The following ARHGAP10 variants were observed in gnomAD, a reference collection of about 807,000 sequenced individuals.
The protein encoded by ARHGAP10 is rho GTPase-activating protein 10.
A neutral mutation model predicts 108.6 loss-of-function variants in ARHGAP10; 87 were observed. The observed-to-expected ratio is 0.80, with a 90% CI of 0.67 to 0.96. The LOEUF (loss-of-function observed/expected upper bound fraction) is 0.96. Among genes scored for constraint, ARHGAP10 ranks in the 40% least tolerant of loss-of-function variants. ARHGAP10 has a pLI of 0.00. For synonymous variants in ARHGAP10, 347 were observed against 341.1 expected (o/e 1.02, Z -0.19); for missense variants, 939 against 954.5 (o/e 0.98, Z 0.21).
intron 1 of ARHGAP10, among the ~76,000 whole-genome samples, chr4:147,796,537 TTC>T (rs1190810356): frequency 6.6e-6 from 1 of 152,114 alleles, no homozygotes; most frequent in African/African-American, 2.4e-5. Context: ...TATTTTTCTT[TTC>T]TTGAGAAGGA....
intron 8 of ARHGAP10, among the ~76,000 whole-genome samples, chr4:147,877,587 A>G (rs1735125373): frequency 6.6e-6 from 1 of 152,168 alleles, no homozygotes; most frequent in Admixed American, 6.5e-5. Context: ...TGACTCAGTA[A>G]AGTAAGAAAT....
chr4:147,882,385 C>A (rs1396350212), intron 10 of ARHGAP10, among the ~76,000 whole-genome samples: 1 of 151,924 alleles, frequency 6.6e-6, no homozygotes, highest in Non-Finnish European at 1.5e-5. Context: ...ACCATTTGAA[C>A]CCAGGAGGCG....
intron 18 of ARHGAP10, among the ~76,000 whole-genome samples, chr4:147,991,168 AAG>A (rs1740261216): frequency 6.6e-6 from 1 of 151,782 alleles, no homozygotes. Flanking sequence ...AAATAAATAA[AAG>A]AAAACAAATA....
At chr4:147,845,603 G>A (rs550099108) in intron 3 of ARHGAP10, among the ~76,000 whole-genome samples, 1 of 152,188 alleles carries the variant, frequency 6.6e-6, no homozygotes, top group Non-Finnish European at 1.5e-5. Flanking sequence ...AACTTGAGCA[G>A]TTGTTAGCTT....
At chr4:147,845,525 T>G (rs1286543414) in intron 3 of ARHGAP10, among the ~76,000 whole-genome samples, 3 of 152,238 alleles carry the variant, frequency 2.0e-5, no homozygotes, top group Non-Finnish European at 4.4e-5. Context: ...TATTGCCATG[T>G]TGCATGGTGG....
At chr4:147,828,008 G>T (rs1023104337) in intron 3 of ARHGAP10, among the ~76,000 whole-genome samples, 1 of 152,148 alleles carries the variant, frequency 6.6e-6, no homozygotes, top group African/African-American at 2.4e-5. Context: ...GTTTCACCAT[G>T]TTGGCCAGAT....
At chr4:147,882,650 T>C (rs1256040397) in intron 10 of ARHGAP10, among the ~76,000 whole-genome samples, 1 of 152,166 alleles carries the variant, frequency 6.6e-6, no homozygotes, top group East Asian at 1.9e-4. Flanking sequence ...CTGTACGTGA[T>C]GGAGGGTCTT....
At chr4:147,945,961 C>T (rs542484213) in intron 14 of ARHGAP10, among the ~76,000 whole-genome samples, 1 of 152,194 alleles carries the variant, frequency 6.6e-6, no homozygotes, top group South Asian at 2.1e-4. Flanking sequence ...CTGGCTCCTC[C>T]TTTGCATAAG....
At chr4:147,773,312 A>G (rs185221500) in intron 1 of ARHGAP10, among the ~76,000 whole-genome samples, 4 of 152,320 alleles carry the variant, frequency 2.6e-5, no homozygotes, top group Admixed American at 2.0e-4. Flanking sequence ...CACCCAGTTC[A>G]TCACAAGTTA....
At position 147,955,740 on chromosome 4, in the gene ARHGAP10, G is replaced by A. The variant is rs115728728; in HGVS notation, c.1450+366G>A. Among the ~76,000 whole-genome samples the A allele has an allele frequency of 3.0e-3, 459 of 152,200 alleles. 1 individual carries two copies. Among genetic ancestry groups the A allele is most frequent in the African/African-American group, 9.7e-3 (404 of 41,542 alleles). ...GGGAACACAGAAGTATTTAATTTGC[G>A]AAAGGTTGTGGAGATGAACAGATTT... On this transcript the variant is annotated intron_variant, in intron 16 of 22. Transcript: ENST00000336498.
At chr4:147,828,592 C>A (rs562557408) in intron 3 of ARHGAP10, among the ~76,000 whole-genome samples, 1 of 152,338 alleles carries the variant, frequency 6.6e-6, no homozygotes, top group East Asian at 1.9e-4. Flanking sequence ...TCAGGGAAGG[C>A]ATCTTGGAGA....
chr4:148,065,979 CA>C (rs34551897), intron 22 of ARHGAP10, among the ~76,000 whole-genome samples: 1,313 of 98,552 alleles, frequency 0.013, 23 homozygotes, highest in African/African-American at 0.049. Flanking sequence ...GACCCCATCT[CA>C]AAAAAAAAAA....
intron 13 of ARHGAP10, among the ~76,000 whole-genome samples, chr4:147,914,832 C>T (rs1736898525): frequency 6.6e-6 from 1 of 152,064 alleles, no homozygotes; most frequent in Non-Finnish European, 1.5e-5. Flanking sequence ...CTCCGCTGAC[C>T]AATAACCCAA....
At chr4:147,907,713 A>G (rs1041973863) in intron 11 of ARHGAP10, among the ~76,000 whole-genome samples, 1 of 152,280 alleles carries the variant, frequency 6.6e-6, no homozygotes, top group African/African-American at 2.4e-5. Flanking sequence ...ACCTAAATTA[A>G]CATAGTATAA....
chr4:147,779,804 T>A (rs765129333), intron 1 of ARHGAP10, among the ~76,000 whole-genome samples: 26 of 152,202 alleles, frequency 1.7e-4, no homozygotes, highest in Admixed American at 1.1e-3. Context: ...ATGTTTAAGC[T>A]TTTCATGATT....
chr4:147,732,260 G>A lies in ARHGAP10; in HGVS notation c.-42G>A. The A allele has an allele frequency of 6.6e-7, 1 of 1,511,578 alleles. No individual in the cohort carries two copies. The highest frequency in any genetic ancestry group is 8.8e-7 in the Non-Finnish European group (1 of 1,138,702). 93.6% of individuals were successfully genotyped at this position (1,511,578 alleles called of 1,614,324 possible). ...GCGGCCTCGGAGCTCGGCTCGGGCAGGAGCGCGCGGCCGTGCGCACCGCGC... is the reference window on the plus strand; with the variant it reads ...GCGGCCTCGGAGCTCGGCTCGGGCAAGAGCGCGCGGCCGTGCGCACCGCGC... On this transcript the variant is annotated 5_prime_UTR_variant, in exon 1 of 23. Coordinates refer to ENST00000336498, the MANE Select transcript of ARHGAP10 (RefSeq NM_024605.4).
rs762896908 is a variant in ARHGAP10 at position 147,965,109 on chromosome 4, T to G, written c.1536T>G (p.Ile512Met). 2 of 1,604,712 alleles carry G rather than the reference T, an allele frequency of 1.2e-6. No individual in the cohort carries two copies. Among genetic ancestry groups the G allele is most frequent in the African/African-American group, 2.7e-5 (2 of 74,516 alleles). ...AGAAGAATAAAGAGATGTTGGATAT[T>G]TTGGTGAAACACTTAACAAAGTAAG... ...LPEKNKEMLDILVKHLTNVSN... is the reference protein window; with the variant it reads ...LPEKNKEMLDMLVKHLTNVSN... Residue 512 changes from isoleucine (I) to methionine (M), a missense_variant, in exon 17 of 23, where the codon ATT (isoleucine) becomes ATG (methionine). By Grantham distance (10) the Ile-to-Met change is conservative (BLOSUM62 1). Transcript: ENST00000336498.
chr4:147,784,457 T>C (rs935649802), intron 1 of ARHGAP10, among the ~76,000 whole-genome samples: 1 of 126,610 alleles, frequency 7.9e-6, no homozygotes, highest in African/African-American at 3.0e-5. Flanking sequence ...ATATATGATA[T>C]ATATTATATA....
At chr4:147,969,238 A>G (rs1739314537) in intron 18 of ARHGAP10, among the ~76,000 whole-genome samples, 2 of 152,056 alleles carry the variant, frequency 1.3e-5, no homozygotes, top group African/African-American at 2.4e-5. Context: ...TCTCATGGAA[A>G]AGATAAGCTT....
Sources: allele counts gnomAD v4.1 joint callset (sites outside exome capture counted in the v4.1 genomes callset), GRCh38; gene constraint gnomAD v4.1.1; transcripts MANE v1.5; gene names NCBI Gene and HGNC (gene_info 2026-07-23, HGNC 2026-07-21).